AGBL4: variants seen among roughly 807,000 people sequenced by gnomAD.
AGBL4 encodes the protein cytosolic carboxypeptidase 6.
In AGBL4, 58 loss-of-function variants were observed where a neutral mutation model predicts 66.4. The ratio of observed to expected loss-of-function variants is 0.87; its 90% CI spans 0.71 to 1.09. The LOEUF is 1.09. AGBL4 is among the 50% of genes least tolerant of loss of function. The pLI, the probability that AGBL4 is intolerant of heterozygous loss-of-function variation, is 0.00. For missense variants in AGBL4, 579 were observed against 631.0 expected (o/e 0.92, Z 0.88); for synonymous variants, 234 against 222.9 (o/e 1.05, Z -0.44).
intron 6 of AGBL4, among the ~76,000 whole-genome samples, chr1:48,784,290 C>T (rs1283077358): frequency 2.0e-5 from 3 of 152,080 alleles, no homozygotes; most frequent in Admixed American, 6.5e-5. Context: ...GAACACATAT[C>T]CCCATTCTGA....
At chr1:49,445,202 T>A (rs904192603) in intron 3 of AGBL4, among the ~76,000 whole-genome samples, 3 of 152,106 alleles carry the variant, frequency 2.0e-5, no homozygotes, top group Admixed American at 6.5e-5. Context: ...TCTTCTGGTC[T>A]ATAAAATGTC....
At chr1:49,651,298 C>T (rs769513549) in intron 3 of AGBL4, among the ~76,000 whole-genome samples, 1 of 152,112 alleles carries the variant, frequency 6.6e-6, no homozygotes, top group Admixed American at 6.6e-5. Context: ...GACCTCAGCA[C>T]ATCCCAACAC....
chr1:49,207,645 G>A (rs1244214622), intron 4 of AGBL4, among the ~76,000 whole-genome samples: 1 of 138,618 alleles, frequency 7.2e-6, no homozygotes, highest in African/African-American at 2.7e-5. Flanking sequence ...ACAGGCTGGA[G>A]TACATACTTG....
chr1:49,918,368 A>C (rs1176092914), intron 1 of AGBL4, among the ~76,000 whole-genome samples: 2 of 152,346 alleles, frequency 1.3e-5, no homozygotes, highest in African/African-American at 4.8e-5. Flanking sequence ...AAGAGAGAAG[A>C]ATCAAATAGA....
Position 49,403,497 on chromosome 1 carries a change from G to T in AGBL4, c.283-157633C>A, listed in dbSNP as rs1645131121. Among the ~76,000 whole-genome samples the T allele has an allele frequency of 2.0e-5, 3 of 151,956 alleles. No individual in the cohort carries two copies. In the South Asian group the frequency reaches 6.2e-4, roughly 31 times the overall value. ...TGTTAGAATTCTAAATTCCTTCTCTGTTATCTTGGATTTCTTTTAGTTTCC... is the reference window on the plus strand; with the variant it reads ...TGTTAGAATTCTAAATTCCTTCTCTTTTATCTTGGATTTCTTTTAGTTTCC... On this transcript the variant is annotated intron_variant, in intron 3 of 13. Transcript: ENST00000371839.
At chr1:49,611,542 A>T (rs145046492) in intron 3 of AGBL4, among the ~76,000 whole-genome samples, 7,870 of 151,460 alleles carry the variant, frequency 0.052, 228 homozygotes, top group African/African-American at 0.067. Context: ...TGCCCAGCTA[A>T]TTTTTTTTGT....
intron 5 of AGBL4, among the ~76,000 whole-genome samples, chr1:48,922,446 T>C (rs2148893365): frequency 6.6e-6 from 1 of 152,190 alleles, no homozygotes; most frequent in East Asian, 1.9e-4. Context: ...CACCACCCCA[T>C]CTCTGTCTGG....
At chr1:49,626,883 C>A (rs1645473875) in intron 3 of AGBL4, among the ~76,000 whole-genome samples, 1 of 152,074 alleles carries the variant, frequency 6.6e-6, no homozygotes, top group Non-Finnish European at 1.5e-5. Context: ...TTATTTAGTG[C>A]CTCTTCCATG....
chr1:48,638,627 T>A (rs2148420631), intron 8 of AGBL4, among the ~76,000 whole-genome samples: 1 of 152,332 alleles, frequency 6.6e-6, no homozygotes, highest in East Asian at 1.9e-4. Context: ...GGGTAGGTGC[T>A]TTTCTTCTGC....
chr1:48,712,322 G>T (rs1646980643), intron 6 of AGBL4, among the ~76,000 whole-genome samples: 1 of 152,150 alleles, frequency 6.6e-6, no homozygotes, highest in South Asian at 2.1e-4. Context: ...GGAGGAGGGA[G>T]ACAGGCTCTT....
intron 3 of AGBL4, among the ~76,000 whole-genome samples, chr1:49,568,869 A>G (rs1233617212): frequency 1.3e-5 from 2 of 152,182 alleles, no homozygotes; most frequent in African/African-American, 2.4e-5. Context: ...CAACCATCTG[A>G]TCTTCCACAA....
At chr1:49,475,797 T>G (rs1335229684) in intron 3 of AGBL4, among the ~76,000 whole-genome samples, 1 of 152,084 alleles carries the variant, frequency 6.6e-6, no homozygotes, top group Non-Finnish European at 1.5e-5. Flanking sequence ...TTTCTAATTG[T>G]GCTTATTTGG....
intron 4 of AGBL4, among the ~76,000 whole-genome samples, chr1:49,221,413 G>C (rs1649487367): frequency 6.6e-6 from 1 of 152,026 alleles, no homozygotes; most frequent in African/African-American, 2.4e-5. Context: ...CTACAAGATA[G>C]TACTCTCCAT....
intron 11 of AGBL4, among the ~76,000 whole-genome samples, chr1:48,548,295 G>A (rs1330986922): frequency 1.3e-5 from 2 of 151,996 alleles, no homozygotes; most frequent in South Asian, 4.2e-4. Flanking sequence ...TGAGAAGGTG[G>A]GTGGGAATGG....
Position 48,736,129 on chromosome 1 carries a change from C to G in AGBL4, c.635-72888G>C. ...GGTGTCCCCGGGCTCAGCCCAGGGTCTGGCATGCAGAAGCTTCATAAGTAA... is the reference window on the plus strand; with the variant it reads ...GGTGTCCCCGGGCTCAGCCCAGGGTGTGGCATGCAGAAGCTTCATAAGTAA... On this transcript the variant is annotated intron_variant, in intron 6 of 13. Coordinates refer to ENST00000371839, the MANE Select transcript of AGBL4 (RefSeq NM_032785.4). The surrounding 1 kb of genome is among the most constrained non-coding windows in gnomAD (Gnocchi z 4.0). 2 of 1,276,158 alleles carry G rather than the reference C, an allele frequency of 1.6e-6. No homozygotes were observed. Among genetic ancestry groups the G allele is most frequent in the Non-Finnish European group, 2.2e-6 (2 of 891,976 alleles). The allele number at this position is 1,276,158 out of a possible 1,614,324, so 79.1% of individuals were successfully genotyped here.
intron 6 of AGBL4, among the ~76,000 whole-genome samples, chr1:48,828,878 T>G (rs577090371): frequency 1.3e-5 from 2 of 152,298 alleles, no homozygotes; most frequent in South Asian, 4.2e-4. Flanking sequence ...AAAAAGTAGA[T>G]CATTTGCAAA....
At chr1:48,832,837 C>T (rs1439272439) in intron 6 of AGBL4, among the ~76,000 whole-genome samples, 1 of 152,208 alleles carries the variant, frequency 6.6e-6, no homozygotes, top group Non-Finnish European at 1.5e-5. Flanking sequence ...CCTAAGCTTA[C>T]ACATCTTCTC....
intron 5 of AGBL4, among the ~76,000 whole-genome samples, chr1:48,920,053 G>A (rs1653952958): frequency 6.6e-6 from 1 of 152,198 alleles, no homozygotes; most frequent in South Asian, 2.1e-4. Context: ...GAGCCCAGTG[G>A]TAAAAAAGAA....
At chr1:49,958,971 C>A (rs1464435515) in intron 1 of AGBL4, among the ~76,000 whole-genome samples, 3 of 150,842 alleles carry the variant, frequency 2.0e-5, no homozygotes, top group Non-Finnish European at 4.4e-5. Context: ...ATGAGAAAGT[C>A]ACTTAACAAA....
Sources: allele counts gnomAD v4.1 joint callset (sites outside exome capture counted in the v4.1 genomes callset), GRCh38; gene constraint gnomAD v4.1.1; non-coding constraint Gnocchi (gnomAD v3.1); transcripts MANE v1.5; gene names NCBI Gene and HGNC (gene_info 2026-07-23, HGNC 2026-07-21).